Variants in PSAP observed in about 807,000 individuals in gnomAD.
The protein encoded by PSAP is precursor of saposins.
PSAP carries 25 observed loss-of-function variants against 66.0 expected under a neutral mutation model. The ratio of observed to expected loss-of-function variants is 0.38; its 90% CI spans 0.28 to 0.53. The LOEUF (loss-of-function observed/expected upper bound fraction) is 0.53. Ranked by LOEUF, PSAP falls within the 20% of genes least tolerant of loss-of-function variation. The pLI, the probability that PSAP is intolerant of heterozygous loss-of-function variation, is 0.83. For synonymous variants in PSAP, 273 were observed against 258.9 expected, an observed-to-expected ratio of 1.05 and a Z score of -0.52; for missense variants, 649 against 668.8, an observed-to-expected ratio of 0.97 and a Z score of 0.33.
chr10:71,828,118 T>C lies in PSAP; in HGVS notation c.616A>G (p.Thr206Ala), dbSNP rs139503658. 1.9e-6 allele frequency: 3 copies of C among 1,614,168 alleles called. No individual in the cohort carries two copies. The highest frequency in any genetic ancestry group is 2.5e-6 in the Non-Finnish European group (3 of 1,180,028). Reference sequence around the variant, plus strand: ...GTCCGTACAGCAGTCTGGATGTCAGTCACCATCTGAATGCAGTCCTGGCAA... The same window carrying C: ...GTCCGTACAGCAGTCTGGATGTCAGCCACCATCTGAATGCAGTCCTGGCAA... The part of the protein sequence containing the change: ...DVCQDCIQMV[T>A]DIQTAVRTNS... Residue 206 changes from threonine to alanine, a missense_variant, in exon 6 of 14, where the codon ACT becomes GCT. Thr to Ala is a moderately conservative substitution (Grantham distance 58). Transcript: ENST00000394936.
At chr10:71,851,018 C>T (rs1425610936) in intron 1 of PSAP, among the ~76,000 whole-genome samples, 164 bp downstream of exon 1, 1 of 150,834 alleles carries the variant, frequency 6.6e-6, no homozygotes, top group Non-Finnish European at 1.5e-5. Flanking sequence ...CCCCAGCCGC[C>T]CAGAGAAAGC....
chr10:71,825,659 CAG>C, intron 7 of PSAP, 176 bp downstream of exon 7: 1 of 702,744 alleles, frequency 1.4e-6, no homozygotes, highest in South Asian at 1.5e-5. Flanking sequence ...TCTCCCGTAA[CAG>C]GGGAGGTACT....
At chr10:71,820,211 G>A (rs758346418) in intron 9 of PSAP, 29 bp downstream of exon 9, 7 of 1,580,052 alleles carry the variant, frequency 4.4e-6, no homozygotes, top group African/African-American at 1.3e-5. Flanking sequence ...GGCAGGAGAG[G>A]CCCTCCCTCT....
chr10:71,818,487 G>T, intron 13 of PSAP, 130 bp downstream of exon 13: 1 of 862,512 alleles, frequency 1.2e-6, no homozygotes. Context: ...CCACCTCTCT[G>T]GGCCTCAGCT....
At chr10:71,823,768 C>A in intron 7 of PSAP, 1 of 677,180 alleles carries the variant, frequency 1.5e-6, no homozygotes, top group Non-Finnish European at 2.2e-6. Flanking sequence ...AGGGAGCCTG[C>A]CTCTCGTAAC....
intron 1 of PSAP, among the ~76,000 whole-genome samples, chr10:71,849,715 C>CA (rs1842890992): frequency 6.6e-6 from 1 of 152,018 alleles, no homozygotes; most frequent in Admixed American, 6.6e-5. Flanking sequence ...TGCTATGTTG[C>CA]CCAGGCTGGT....
chr10:71,830,823 G>C (rs963880445), intron 4 of PSAP, among the ~76,000 whole-genome samples: 1 of 152,146 alleles, frequency 6.6e-6, no homozygotes, highest in Non-Finnish European at 1.5e-5. Flanking sequence ...TGCTCAAAGG[G>C]GTCAGTTAAA....
Position 71,828,113 on chromosome 10 carries a change from G to A in PSAP, c.621C>T (p.Asp207=), listed in dbSNP as rs140702696. 1.3e-5 allele frequency: 21 copies of A among 1,614,078 alleles called. No homozygotes were observed. The highest frequency in any genetic ancestry group is 3.3e-4 in the Middle Eastern group (2 of 6,084). Residue 207 remains aspartate (D), a synonymous_variant, in exon 6 of 14, where the codon GAC becomes GAT. Coordinates refer to ENST00000394936, the MANE Select transcript of PSAP (RefSeq NM_002778.4). ...VCQDCIQMVT[D]IQTAVRTNST... Reference sequence around the variant, plus strand: ...AGTTGGTCCGTACAGCAGTCTGGATGTCAGTCACCATCTGAATGCAGTCCT... The same window carrying A: ...AGTTGGTCCGTACAGCAGTCTGGATATCAGTCACCATCTGAATGCAGTCCT...
intron 4 of PSAP, among the ~76,000 whole-genome samples, chr10:71,830,257 G>C (rs2133046850): frequency 6.6e-6 from 1 of 152,280 alleles, no homozygotes; most frequent in African/African-American, 2.4e-5. Context: ...AAACCAGGGA[G>C]ACATTTATAG....
chr10:71,817,549 T>C (rs528504457), intron 13 of PSAP, 73 bp from the exon 14 acceptor site: 2 of 1,445,656 alleles, frequency 1.4e-6, no homozygotes, highest in African/African-American at 1.4e-5. Context: ...ATGTATCAGA[T>C]ATCACCCCAA....
chr10:71,819,199 T>C (rs2133029989), intron 11 of PSAP, 88 bp from the exon 12 acceptor site: 1 of 1,249,364 alleles, frequency 8.0e-7, no homozygotes, highest in South Asian at 1.2e-5. Context: ...CTGGATACAC[T>C]GTTCCCTGAG....
chr10:71,817,579 T>G, intron 13 of PSAP, 103 bp from the exon 14 acceptor site: 7 of 1,137,538 alleles, frequency 6.2e-6, no homozygotes, highest in Non-Finnish European at 9.4e-6. Context: ...TGTTCTCTTG[T>G]CCTAGGTCAG....
In PSAP at chr10:71,817,296, T is replaced by C; in HGVS notation, c.*145A>G. ...GGGGCTCCCTTGCAGACAGCAATGC[T>C]ACAATAAAGGACACAGAAATGGGGG... On this transcript the variant is annotated 3_prime_UTR_variant, in exon 14 of 14. Coordinates refer to ENST00000394936, the MANE Select transcript of PSAP (RefSeq NM_002778.4). The C allele has an allele frequency of 1.1e-6, 1 of 910,858 alleles. No homozygotes were observed. Among genetic ancestry groups the C allele is most frequent in the South Asian group, 1.3e-5 (1 of 76,680 alleles). 56.4% of individuals were successfully genotyped at this position (910,858 alleles called of 1,614,324 possible). A position where few individuals can be genotyped will look rare whatever the true frequency, so the allele number is the denominator to read the frequency against.
intron 2 of PSAP, among the ~76,000 whole-genome samples, chr10:71,833,353 G>A (rs537780975): frequency 6.6e-6 from 1 of 152,040 alleles, no homozygotes; most frequent in South Asian, 2.1e-4. Context: ...CAGTACTCAG[G>A]AGGCTGAGGT....
chr10:71,829,998 A>C, intron 4 of PSAP, among the ~76,000 whole-genome samples: 1 of 152,252 alleles, frequency 6.6e-6, no homozygotes, highest in Non-Finnish European at 1.5e-5. Context: ...CTCAGTCTCA[A>C]AAAAATAAAT....
intron 2 of PSAP, among the ~76,000 whole-genome samples, chr10:71,832,730 T>G (rs1564821676): frequency 6.6e-6 from 1 of 152,006 alleles, no homozygotes; most frequent in Admixed American, 6.6e-5. Context: ...GTACTGTGCA[T>G]GGAACCATAT....
At chr10:71,818,816 G>T in intron 12 of PSAP, 92 bp from the exon 13 acceptor site, 4 of 1,199,218 alleles carry the variant, frequency 3.3e-6, no homozygotes, top group Non-Finnish European at 5.0e-6. Context: ...TCCAGAAGGA[G>T]CTAGGATCAC....
chr10:71,850,217 A>C lies in PSAP; in HGVS notation c.40+965T>G, dbSNP rs879657620. Among the ~76,000 whole-genome samples, 20 of 152,292 alleles carry C rather than the reference A, an allele frequency of 1.3e-4. No homozygotes were observed. In the East Asian group the frequency reaches 1.5e-3, roughly 12 times the overall value. The stretch of plus-strand genomic sequence containing the variant: ...TCCAGATCCAGGAGATAATCAACTA[A>C]GAGCCAGTCACCCTTTCATTTCCAT... On this transcript the variant is annotated intron_variant, in intron 1 of 13. Transcript: ENST00000394936.
chr10:71,817,500 T>C, intron 13 of PSAP, 24 bp from the exon 14 acceptor site: 1 of 1,613,100 alleles, frequency 6.2e-7, no homozygotes, highest in South Asian at 1.1e-5. Context: ...GGAAGCTGAG[T>C]TTAGTCTTCG....
Sources: gnomAD v4.1 joint callset for allele counts (sites outside exome capture counted in the v4.1 genomes callset) on GRCh38, gnomAD v4.1.1 for gene constraint, MANE v1.5 for transcripts, NCBI Gene and HGNC (gene_info 2026-07-23, HGNC 2026-07-21) for gene names.